The following SF3B1 variants were observed in gnomAD, a reference collection of about 807,000 sequenced individuals.
SF3B1 encodes pre-mRNA processing 10.
SF3B1 carries 12 observed loss-of-function variants against 153.8 expected under a neutral mutation model. The ratio of observed to expected loss-of-function variants is 0.08; its 90% CI spans 0.05 to 0.13. The LOEUF is 0.13. Among genes scored for constraint, SF3B1 ranks in the 10% least tolerant of loss-of-function variants. SF3B1 has a pLI of 1.00. For synonymous variants in SF3B1, 498 were observed against 525.2 expected (o/e 0.95, Z 0.71); for missense variants, 513 against 1,606.1 (o/e 0.32, Z 11.63).
intron 4 of SF3B1, 200 bp from the exon 5 acceptor site, chr2:197,418,788 T>C: frequency 6.7e-7 from 1 of 1,482,036 alleles, no homozygotes; most frequent in Non-Finnish European, 8.9e-7. Context: ...CACAAACATC[T>C]ACAGCAGTTT....
intron 5 of SF3B1, among the ~76,000 whole-genome samples, chr2:197,417,509 G>T (rs183306381): frequency 6.7e-6 from 1 of 149,534 alleles, no homozygotes; most frequent in Non-Finnish European, 1.5e-5. Flanking sequence ...AGGTTAAGGC[G>T]GGCAGATCAC....
intron 3 of SF3B1, 32 bp from the exon 4 acceptor site, chr2:197,420,574 C>A: frequency 1.4e-6 from 2 of 1,392,146 alleles, no homozygotes; most frequent in Middle Eastern, 1.8e-4. Flanking sequence ...TTAATATCCA[C>A]TTTATTAAAA....
Position 197,421,075 on chromosome 2 carries a change from T to C in SF3B1, c.254A>G (p.His85Arg), listed in dbSNP as rs1472004245. Residue 85 changes from histidine (H) to arginine (R), a missense_variant, in exon 3 of 25, where the codon CAT (histidine) becomes CGT (arginine). This residue lies in a region of SF3B1 where 56 missense variants were observed against 75.6 expected (regional missense o/e 0.74). Transcript: ENST00000335508. ...ATCATTAAGCAATGCCACAGGGGCA[T>C]GATATCCTGGCTTCTTCTGACCAAG... is the stretch of plus-strand genomic sequence containing the variant. ...SLLGQKKPGY[H>R]APVALLNDIP... is the part of the protein sequence containing the mutation. 6.2e-7 allele frequency: 1 copy of C among 1,613,382 alleles called. No individual in the cohort carries two copies. The highest frequency in any genetic ancestry group is 2.2e-5 in the East Asian group (1 of 44,818).
chr2:197,428,443 T>C (rs1574558260), intron 1 of SF3B1, among the ~76,000 whole-genome samples: 2 of 152,220 alleles, frequency 1.3e-5, no homozygotes, highest in East Asian at 3.8e-4. Context: ...AAATTTTTTA[T>C]CTCTGGGAAT....
chr2:197,418,883 CCGGAATA>C, intron 4 of SF3B1: 1 of 1,582,972 alleles, frequency 6.3e-7, no homozygotes, highest in Non-Finnish European at 8.6e-7. Flanking sequence ...GGTTGCTAAT[CCGGAATA>C]CGTACACTTT....
At chr2:197,394,959 CAAAGAGA>C (rs1207895516) in intron 23 of SF3B1, among the ~76,000 whole-genome samples, 1 of 152,022 alleles carries the variant, frequency 6.6e-6, no homozygotes, top group South Asian at 2.1e-4. Context: ...CAGACCATAT[CAAAGAGA>C]AAAGAGAAAA....
rs569074381 is a variant in SF3B1 at position 197,429,882 on chromosome 2, G to A, written c.28+5090C>T. On this transcript the variant is annotated intron_variant, in intron 1 of 24. Coordinates refer to ENST00000335508, the MANE Select transcript of SF3B1 (RefSeq NM_012433.4). ...CATACTTAGAGCCAATAATTTTCTG[G>A]GTGCTTCCATTGCTTGTAGGCCCCC... Among the ~76,000 whole-genome samples, 8 of 152,220 alleles carry A rather than the reference G, an allele frequency of 5.3e-5. No individual in the cohort carries two copies. In the East Asian group the frequency reaches 1.5e-3, roughly 29 times the overall value.
chr2:197,429,207 T>C (rs2085386549), intron 1 of SF3B1, among the ~76,000 whole-genome samples: 2 of 152,240 alleles, frequency 1.3e-5, no homozygotes, highest in African/African-American at 4.8e-5. Flanking sequence ...AAAGGGATAC[T>C]GTCTGCTAGT....
At chr2:197,428,018 A>AATTAATT (rs2085362304) in intron 1 of SF3B1, among the ~76,000 whole-genome samples, 3 of 151,364 alleles carry the variant, frequency 2.0e-5, no homozygotes, top group African/African-American at 7.3e-5. Context: ...ACTCCGTCTC[A>AATTAATT]AATTAATTAA....
At chr2:197,420,952 T>C (rs1351156730) in intron 3 of SF3B1, 77 bp downstream of exon 3, 2 of 870,992 alleles carry the variant, frequency 2.3e-6, no homozygotes, top group African/African-American at 1.7e-5. Context: ...CATCCTAAAA[T>C]TTATGGATTT....
At chr2:197,416,945 G>A in intron 5 of SF3B1, 34 bp from the exon 6 acceptor site, 1 of 1,579,116 alleles carries the variant, frequency 6.3e-7, no homozygotes, top group Non-Finnish European at 8.6e-7. Flanking sequence ...CCTTTAAAAT[G>A]CTTTCAATGT....
intron 1 of SF3B1, among the ~76,000 whole-genome samples, chr2:197,426,348 T>C (rs1256332889): frequency 2.6e-5 from 4 of 151,986 alleles, no homozygotes; most frequent in Non-Finnish European, 2.9e-5. Context: ...CAGGCTGGAG[T>C]GCAGTGGCTG....
intron 1 of SF3B1, among the ~76,000 whole-genome samples, chr2:197,433,175 T>A (rs2085468272): frequency 6.6e-6 from 1 of 152,216 alleles, no homozygotes; most frequent in African/African-American, 2.4e-5. Context: ...TACTAAACAT[T>A]TATCATCCCC....
chr2:197,397,953 A>AT (rs561785014), intron 22 of SF3B1, 32 bp downstream of exon 22: 2,176 of 1,459,328 alleles, frequency 1.5e-3, no homozygotes, highest in Non-Finnish European at 1.7e-3. Context: ...TTATAAAGTA[A>AT]TTTTTTTTTA....
intron 1 of SF3B1, among the ~76,000 whole-genome samples, chr2:197,431,504 C>T (rs2085436558): frequency 6.6e-6 from 1 of 152,168 alleles, no homozygotes; most frequent in African/African-American, 2.4e-5. Flanking sequence ...CATTTTTCGT[C>T]TGAATTATTT....
In SF3B1 at chr2:197,434,983, T is replaced by C; in HGVS notation, c.17A>G (p.Lys6Arg). MAKIA[K>R]THEDIEAQIR... Reference sequence around the variant, plus strand: ...GAAAGACCGCTTACCTTCGTGAGTCTTGGCGATCTTCGCCATTTTGTCCAC... The same window carrying C: ...GAAAGACCGCTTACCTTCGTGAGTCCTGGCGATCTTCGCCATTTTGTCCAC... The change falls in exon 1 of 25, where the codon AAG (lysine) becomes AGG (arginine). Residue 6 changes from lysine (K) to arginine (R), a missense_variant. By Grantham distance (26) the Lys-to-Arg change is conservative. This residue lies in a region of SF3B1 where 27 missense variants were observed against 26.7 expected (regional missense o/e 1.01). Coordinates refer to ENST00000335508, the MANE Select transcript of SF3B1 (RefSeq NM_012433.4). 2 of 1,614,256 alleles carry C rather than the reference T, an allele frequency of 1.2e-6. No individual in the cohort carries two copies. The highest frequency in any genetic ancestry group is 1.7e-5 in the Admixed American group (1 of 60,036).
chr2:197,417,720 G>A (rs1479350857), intron 5 of SF3B1, among the ~76,000 whole-genome samples: 2 of 152,096 alleles, frequency 1.3e-5, no homozygotes, highest in South Asian at 2.1e-4. Flanking sequence ...TCGCACCACT[G>A]CACTTCAGCC....
intron 6 of SF3B1, among the ~76,000 whole-genome samples, chr2:197,410,716 G>A (rs2093693834): frequency 6.6e-6 from 1 of 151,958 alleles, no homozygotes; most frequent in Non-Finnish European, 1.5e-5. Context: ...ACGTTGGTCA[G>A]GCTGGTCTCG....
intron 5 of SF3B1, among the ~76,000 whole-genome samples, chr2:197,417,595 A>AAAAAAT (rs1553565956): frequency 6.7e-6 from 1 of 149,648 alleles, no homozygotes; most frequent in Non-Finnish European, 1.5e-5. Flanking sequence ...AAAAAAAAAA[A>AAAAAAT]GAAATATGAA....
Sources: gnomAD v4.1 joint callset for allele counts (sites outside exome capture counted in the v4.1 genomes callset) on GRCh38, gnomAD v4.1.1 for gene constraint, gnomAD v4.1.1 regional missense constraint, MANE v1.5 for transcripts, NCBI Gene and HGNC (gene_info 2026-07-23, HGNC 2026-07-21) for gene names.